The following HIP1 variants were observed in gnomAD, a reference collection of about 807,000 sequenced individuals.
HIP1 encodes huntingtin interacting protein 1.
HIP1 carries 65 observed loss-of-function variants against 147.6 expected under a neutral mutation model. That is an observed-to-expected ratio of 0.44 (90% CI 0.36 to 0.54). The LOEUF (loss-of-function observed/expected upper bound fraction) is 0.54, where lower values mean the gene tolerates loss of function less well. Ranked by LOEUF, HIP1 falls within the 20% of genes least tolerant of loss-of-function variation. HIP1 has a pLI of 0.00. For missense variants in HIP1, 1,061 were observed against 1,299.6 expected (o/e 0.82, Z 2.82); for synonymous variants, 479 against 504.0 (o/e 0.95, Z 0.67).
At chr7:75,554,676 C>T in intron 19 of HIP1, 150 bp from the exon 20 acceptor site, 5 of 607,708 alleles carry the variant, frequency 8.2e-6, no homozygotes, top group Middle Eastern at 2.8e-4. Flanking sequence ...TGATTCAGAC[C>T]ATAGTTTTTT....
chr7:75,554,599 G>T lies in HIP1; in HGVS notation c.1964-73C>A, dbSNP rs148387023. On this transcript the variant is annotated intron_variant, in intron 19 of 30. Transcript: ENST00000336926. ...GCTTCATCCTCGTTAATTAAGCACT[G>T]AATGGAGGAGCTTACCTAGTGGGTA... The T allele has an allele frequency of 1.9e-5, 20 of 1,072,590 alleles. No individual in the cohort carries two copies. The Admixed American group carries it at 2.1e-4, about 11-fold the overall frequency. 66.4% of individuals were successfully genotyped at this position (1,072,590 alleles called of 1,614,324 possible).
At chr7:75,595,232 CTTT>C (rs1563230164) in intron 2 of HIP1, among the ~76,000 whole-genome samples, 19 of 110,966 alleles carry the variant, frequency 1.7e-4, no homozygotes, top group African/African-American at 8.0e-4. Context: ...TTCTTTCTTT[CTTT>C]CTTTCTTTCT....
chr7:75,557,875 C>T, intron 15 of HIP1, 105 bp from the exon 16 acceptor site: 1 of 840,564 alleles, frequency 1.2e-6, no homozygotes, highest in Non-Finnish European at 2.0e-6. Flanking sequence ...GAGTCAGACA[C>T]AGGAATCACT....
At chr7:75,651,222 G>A (rs1554511897) in intron 1 of HIP1, among the ~76,000 whole-genome samples, 2 of 151,900 alleles carry the variant, frequency 1.3e-5, no homozygotes, top group East Asian at 3.9e-4. Context: ...CACTTTGGGA[G>A]GCAGAGGCAG....
chr7:75,544,561 A>G (rs1453884008), intron 27 of HIP1, 134 bp downstream of exon 27: 1 of 687,882 alleles, frequency 1.5e-6, no homozygotes, highest in African/African-American at 1.8e-5. Flanking sequence ...TAACCTAGCC[A>G]AGTGCCATCT....
intron 8 of HIP1, among the ~76,000 whole-genome samples, chr7:75,569,021 G>A (rs144816357): frequency 1.3e-5 from 2 of 151,770 alleles, no homozygotes; most frequent in East Asian, 3.9e-4. Flanking sequence ...AAGAACAAGG[G>A]ATTGAGGCTT....
intron 1 of HIP1, among the ~76,000 whole-genome samples, chr7:75,649,540 G>T (rs572698812): frequency 6.6e-6 from 1 of 152,276 alleles, no homozygotes; most frequent in East Asian, 1.9e-4. Flanking sequence ...GTTATTGCCA[G>T]CTGCGGTTCT....
chr7:75,647,326 A>T lies in HIP1; in HGVS notation c.121-48079T>A, dbSNP rs868967240. The stretch of plus-strand genomic sequence containing the variant: ...GGCAGGAGAATCGCTTGAACCCAGG[A>T]AGCAAAAGTTGCAGTGAGCAGAGAT... On this transcript the variant is annotated intron_variant, in intron 1 of 30. Transcript: ENST00000336926. Among the ~76,000 whole-genome samples the T allele has an allele frequency of 4.0e-5, 6 of 151,578 alleles. No homozygotes were observed. The South Asian group carries it at 1.2e-3, about 32-fold the overall frequency.
chr7:75,555,922 A>G lies in HIP1; in HGVS notation c.1827+104T>C, dbSNP rs1189116849. 5 of 1,419,504 alleles carry G rather than the reference A, an allele frequency of 3.5e-6. No individual in the cohort carries two copies. In the Admixed American group the frequency reaches 5.7e-5, roughly 16 times the overall value. 87.9% of individuals were successfully genotyped at this position (1,419,504 alleles called of 1,614,324 possible). On this transcript the variant is annotated intron_variant, in intron 18 of 30. Transcript: ENST00000336926. ...TCTGCACAATCAGGCCAAGGCCCCA[A>G]ACCCCTTCTCAGCAGCCCCGGGGTC...
At chr7:75,701,446 G>C (rs529407961) in intron 1 of HIP1, among the ~76,000 whole-genome samples, 1 of 151,854 alleles carries the variant, frequency 6.6e-6, no homozygotes, top group African/African-American at 2.4e-5. Context: ...TGGTGACTCA[G>C]GCCTGTAATC....
In HIP1 at chr7:75,568,175, A is replaced by G. The variant is rs782812187; in HGVS notation, c.803+24T>C. Reference sequence around the variant, plus strand: ...TTATAGCGCTCTTGAATTCACCTCCATTCCTGTTACTTGAACCACTTACTT... The same window carrying G: ...TTATAGCGCTCTTGAATTCACCTCCGTTCCTGTTACTTGAACCACTTACTT... On this transcript the variant is annotated intron_variant, in intron 9 of 30. Transcript: ENST00000336926. This position sits in a 1 kb window ranked among gnomAD's most constrained non-coding sequence, Gnocchi z 4.1. 6.4e-7 allele frequency: 1 copy of G among 1,557,692 alleles called. No individual in the cohort carries two copies. Among genetic ancestry groups the G allele is most frequent in the Admixed American group, 1.7e-5 (1 of 59,910 alleles).
Position 75,556,157 on chromosome 7 carries a change from A to T in HIP1, c.1696T>A (p.Trp566Arg), listed in dbSNP as rs782301894. The stretch of plus-strand genomic sequence containing the variant: ...TCTAGCTCGGCGAACTCGGCTGCCC[A>T]GTTTGCTTCTGACTGCAAAGGTGAC... ...LETSAQSEAN[W>R]AAEFAELEKE... The change falls in exon 18 of 31, where the codon TGG becomes AGG. Residue 566 changes from tryptophan to arginine, a missense_variant. By Grantham distance (101) the Trp-to-Arg change is moderately radical. Coordinates refer to ENST00000336926, the MANE Select transcript of HIP1 (RefSeq NM_005338.7). 3.1e-6 allele frequency: 5 copies of T among 1,614,056 alleles called. No homozygotes were observed. Among genetic ancestry groups the T allele is most frequent in the Non-Finnish European group, 3.4e-6 (4 of 1,180,004 alleles).
intron 1 of HIP1, among the ~76,000 whole-genome samples, chr7:75,684,785 G>T (rs1175744796): frequency 6.6e-6 from 1 of 151,924 alleles, no homozygotes; most frequent in Non-Finnish European, 1.5e-5. Flanking sequence ...GGGGCTCAAA[G>T]CATGCACATT....
rs145007447 is a variant in HIP1, at chr7:75,649,111, G to A, written c.121-49864C>T. Among the ~76,000 whole-genome samples, 592 of 151,958 alleles carry A rather than the reference G, an allele frequency of 3.9e-3. 3 individuals carry two copies. The highest frequency in any genetic ancestry group is 0.012 in the African/African-American group (516 of 41,440). On this transcript the variant is annotated intron_variant, in intron 1 of 30. Coordinates refer to ENST00000336926, the MANE Select transcript of HIP1 (RefSeq NM_005338.7). The stretch of plus-strand genomic sequence containing the variant: ...ATGATTCCGGCTCACCGCAAACTCC[G>A]CCTCCCGGGTTCAAGCAATTCTCCT...
chr7:75,547,825 A>C lies in HIP1; in HGVS notation c.2407-12T>G. 3 of 1,612,524 alleles carry C rather than the reference A, an allele frequency of 1.9e-6. No individual in the cohort carries two copies. The highest frequency in any genetic ancestry group is 2.5e-6 in the Non-Finnish European group (3 of 1,178,616). On this transcript the variant is annotated splice_polypyrimidine_tract_variant and intron_variant, in intron 23 of 30. Coordinates refer to ENST00000336926, the MANE Select transcript of HIP1 (RefSeq NM_005338.7). The stretch of plus-strand genomic sequence containing the variant: ...TTGCTGAGCATCTCCTGTGAAAAAG[A>C]AGCATGGTTTCTAAATGTGCCTTGA...
chr7:75,597,343 C>T (rs587762349), intron 2 of HIP1, among the ~76,000 whole-genome samples: 10 of 152,264 alleles, frequency 6.6e-5, no homozygotes, highest in South Asian at 4.1e-4. Context: ...TAGAAGGCTT[C>T]GGGACAAGCT....
At chr7:75,651,934 G>A (rs1274462935) in intron 1 of HIP1, among the ~76,000 whole-genome samples, 10 of 141,808 alleles carry the variant, frequency 7.1e-5, no homozygotes, top group South Asian at 4.6e-4. Context: ...GCTTGAACCC[G>A]TGAGGCGGAG....
At chr7:75,724,701 A>G (rs1380864261) in intron 1 of HIP1, among the ~76,000 whole-genome samples, 1 of 152,174 alleles carries the variant, frequency 6.6e-6, no homozygotes, top group Non-Finnish European at 1.5e-5. Context: ...GTTGAATGAG[A>G]AATTTAGGGC....
chr7:75,616,713 C>A (rs1797682118), intron 1 of HIP1, among the ~76,000 whole-genome samples: 1 of 152,118 alleles, frequency 6.6e-6, no homozygotes, highest in South Asian at 2.1e-4. Context: ...TGTTTGCTGG[C>A]CCCTGGACTA....
Sources: allele counts gnomAD v4.1 joint callset (sites outside exome capture counted in the v4.1 genomes callset), GRCh38; gene constraint gnomAD v4.1.1; non-coding constraint Gnocchi (gnomAD v3.1); transcripts MANE v1.5; gene names NCBI Gene and HGNC (gene_info 2026-07-23, HGNC 2026-07-21).